Variants in RNF220 observed in about 807,000 individuals in gnomAD.
RNF220 encodes E3 ubiquitin-protein ligase RNF220.
Under a neutral mutation model 67.1 loss-of-function variants are expected in RNF220, and 7 were observed. That is an observed-to-expected ratio of 0.10 (90% CI 0.06 to 0.20). RNF220 has a LOEUF of 0.20. Ranked by LOEUF, RNF220 falls within the 10% of genes least tolerant of loss-of-function variation. The pLI, the probability that RNF220 is intolerant of heterozygous loss-of-function variation, is 1.00. For synonymous variants in RNF220, 270 were observed against 283.2 expected, an observed-to-expected ratio of 0.95 and a Z score of 0.47; for missense variants, 565 against 740.3, an observed-to-expected ratio of 0.76 and a Z score of 2.75.
chr1:44,499,269 T>C lies in RNF220; in HGVS notation c.625+86547T>C, dbSNP rs1466102210. ...ACCATCTATTTTAAAAGCCTTCCATTTCCCCCTGTAGCTACCTCTCCATTT... is the reference window on the plus strand; with the variant it reads ...ACCATCTATTTTAAAAGCCTTCCATCTCCCCCTGTAGCTACCTCTCCATTT... On this transcript the variant is annotated intron_variant, in intron 2 of 14. Coordinates refer to ENST00000361799, the MANE Select transcript of RNF220 (RefSeq NM_018150.4). Among the ~76,000 whole-genome samples the C allele has an allele frequency of 4.6e-5, 7 of 152,266 alleles. 1 individual carries two copies. Among genetic ancestry groups the C allele is most frequent in the South Asian group, 2.1e-4 (1 of 4,816 alleles).
At chr1:44,646,263 G>A (rs1452644772) in intron 12 of RNF220, among the ~76,000 whole-genome samples, 1 of 152,274 alleles carries the variant, frequency 6.6e-6, no homozygotes, top group African/African-American at 2.4e-5. Context: ...TGGATTGGAG[G>A]CCGGTGCAGG....
chr1:44,459,458 C>T (rs1404641561), intron 2 of RNF220, among the ~76,000 whole-genome samples: 1 of 149,492 alleles, frequency 6.7e-6, no homozygotes, highest in East Asian at 2.0e-4. Context: ...CCTAATAAAC[C>T]CCCCAAAACT....
chr1:44,470,648 C>A (rs1365443549), intron 2 of RNF220, among the ~76,000 whole-genome samples: 1 of 152,092 alleles, frequency 6.6e-6, no homozygotes, highest in African/African-American at 2.4e-5. Context: ...TTTCTATAGA[C>A]CTTTACCACC....
chr1:44,632,183 G>A (rs1213397732), intron 5 of RNF220, 160 bp from the exon 6 acceptor site: 1 of 1,577,582 alleles, frequency 6.3e-7, no homozygotes, highest in Non-Finnish European at 8.6e-7. Flanking sequence ...GGCCGGAGGA[G>A]CAGAGGGGCC....
chr1:44,573,510 A>G (rs1572920050), intron 2 of RNF220, among the ~76,000 whole-genome samples: 3 of 152,348 alleles, frequency 2.0e-5, no homozygotes, highest in South Asian at 4.1e-4. Context: ...CCTGGAGTGG[A>G]GCAGAGGCCT....
intron 2 of RNF220, among the ~76,000 whole-genome samples, chr1:44,559,563 C>T (rs141869482): frequency 6.6e-6 from 1 of 152,298 alleles, no homozygotes; most frequent in East Asian, 1.9e-4. Context: ...TGCGCTCCAG[C>T]GGTGATGCAG....
chr1:44,636,990 CTCTT>C (rs1430014668), intron 8 of RNF220, among the ~76,000 whole-genome samples: 5 of 152,266 alleles, frequency 3.3e-5, no homozygotes, highest in South Asian at 2.1e-4. Flanking sequence ...CAGCTCTTCT[CTCTT>C]TCTGTGCACA....
intron 2 of RNF220, among the ~76,000 whole-genome samples, chr1:44,476,182 G>A (rs1195619055): frequency 1.3e-5 from 2 of 152,048 alleles, no homozygotes; most frequent in Non-Finnish European, 2.9e-5. Context: ...AATCTGAGAT[G>A]CTAGTTCTGT....
At chr1:44,580,923 G>A (rs575813180) in intron 2 of RNF220, among the ~76,000 whole-genome samples, 1 of 152,218 alleles carries the variant, frequency 6.6e-6, no homozygotes, top group Non-Finnish European at 1.5e-5. Context: ...CCTTCTCCAG[G>A]CCTTGCTCTT....
intron 2 of RNF220, among the ~76,000 whole-genome samples, chr1:44,603,481 C>G (rs547407866): frequency 1.2e-4 from 19 of 152,376 alleles, no homozygotes; most frequent in Admixed American, 3.3e-4. Context: ...CAGACCCAAG[C>G]AGGATTCAGA....
rs528410265 is a variant in RNF220 at position 44,537,073 on chromosome 1, C to G, written c.626-77092C>G. ...TATATTACAAGGGCTTTATTATGCT[C>G]TTGTGAGTACATGATGGAAACGGCC... On this transcript the variant is annotated intron_variant, in intron 2 of 14. Coordinates refer to ENST00000361799, the MANE Select transcript of RNF220 (RefSeq NM_018150.4). Among the ~76,000 whole-genome samples, 9 of 151,000 alleles carry G rather than the reference C, an allele frequency of 6.0e-5. No individual in the cohort carries two copies. In the South Asian group the frequency reaches 1.3e-3, roughly 21 times the overall value.
intron 2 of RNF220, among the ~76,000 whole-genome samples, chr1:44,609,193 T>C (rs1667486831): frequency 1.3e-5 from 2 of 152,060 alleles, no homozygotes; most frequent in South Asian, 2.1e-4. Flanking sequence ...AACACACACA[T>C]ATACCCACAC....
intron 2 of RNF220, among the ~76,000 whole-genome samples, chr1:44,422,746 G>A (rs577624141): frequency 5.3e-5 from 8 of 152,274 alleles, no homozygotes; most frequent in East Asian, 1.9e-4. Flanking sequence ...ATCTTTGATC[G>A]TGGGAAGTGC....
chr1:44,444,217 C>T (rs898554503), intron 2 of RNF220, among the ~76,000 whole-genome samples: 2 of 152,184 alleles, frequency 1.3e-5, no homozygotes, highest in African/African-American at 4.8e-5. Flanking sequence ...ATGATGATTA[C>T]TTTTTTGCTT....
At chr1:44,630,669 A>G (rs1246479602) in intron 5 of RNF220, among the ~76,000 whole-genome samples, 1 of 152,270 alleles carries the variant, frequency 6.6e-6, no homozygotes, top group Non-Finnish European at 1.5e-5. Flanking sequence ...GGGGGACAAA[A>G]CTAAGTCTTG....
In RNF220 at chr1:44,414,760, G is replaced by A. The variant is rs371133793; in HGVS notation, c.625+2038G>A. Among the ~76,000 whole-genome samples, 7 of 151,974 alleles carry A rather than the reference G, an allele frequency of 4.6e-5. No homozygotes were observed. The South Asian group carries it at 1.3e-3, about 27-fold the overall frequency. On this transcript the variant is annotated intron_variant, in intron 2 of 14. Coordinates refer to ENST00000361799, the MANE Select transcript of RNF220 (RefSeq NM_018150.4). ...GGGGAAACTTCTTTATTTCCAATGC[G>A]GTGTTATACAAATTGGAGTCCCTTT...
At chr1:44,540,196 C>T (rs886326531) in intron 2 of RNF220, among the ~76,000 whole-genome samples, 1 of 152,188 alleles carries the variant, frequency 6.6e-6, no homozygotes, top group African/African-American at 2.4e-5. Context: ...TCAACCACTG[C>T]CCACATCTCT....
At chr1:44,416,750 T>G (rs1648582868) in intron 2 of RNF220, among the ~76,000 whole-genome samples, 1 of 152,182 alleles carries the variant, frequency 6.6e-6, no homozygotes, top group Non-Finnish European at 1.5e-5. Flanking sequence ...ACCTTCACTG[T>G]GGTCGGGCAG....
chr1:44,537,797 C>T (rs1661350216), intron 2 of RNF220, among the ~76,000 whole-genome samples: 1 of 152,188 alleles, frequency 6.6e-6, no homozygotes, highest in South Asian at 2.1e-4. Flanking sequence ...GCAGAATGTT[C>T]CCACTGTGTT....
Sources: gnomAD v4.1 joint callset for allele counts (sites outside exome capture counted in the v4.1 genomes callset) on GRCh38, gnomAD v4.1.1 for gene constraint, MANE v1.5 for transcripts, NCBI Gene and HGNC (gene_info 2026-07-23, HGNC 2026-07-21) for gene names.